Variants in CALN1 observed in about 807,000 individuals in gnomAD.
The protein encoded by CALN1 is calcium-binding protein 8.
Under a neutral mutation model 30.6 loss-of-function variants are expected in CALN1, and 17 were observed. The observed-to-expected ratio is 0.56, with a 90% CI of 0.38 to 0.83. The LOEUF is 0.83. Among genes scored for constraint, CALN1 ranks in the 40% least tolerant of loss-of-function variants. The pLI, the probability that CALN1 is intolerant of heterozygous loss-of-function variation, is 0.00. For synonymous variants in CALN1, 156 were observed against 131.4 expected (o/e 1.19, Z -1.28); for missense variants, 291 against 354.9 (o/e 0.82, Z 1.45).
At chr7:72,368,091 A>G (rs917205876) in intron 2 of CALN1, among the ~76,000 whole-genome samples, 17 of 152,090 alleles carry the variant, frequency 1.1e-4, no homozygotes, top group African/African-American at 4.1e-4. Context: ...ACTGCACTCC[A>G]GCATGGGCGA....
chr7:72,081,826 C>A (rs1465685325), intron 4 of CALN1, among the ~76,000 whole-genome samples: 1 of 152,070 alleles, frequency 6.6e-6, no homozygotes, highest in African/African-American at 2.4e-5. Flanking sequence ...TCTGCTGAGC[C>A]TGATTTATCT....
intron 5 of CALN1, among the ~76,000 whole-genome samples, chr7:71,924,087 C>T (rs148035026): frequency 0.011 from 1,585 of 150,302 alleles, 28 homozygotes; most frequent in African/African-American, 0.037. Context: ...CAGCTACTCG[C>T]GGGGCTGACG....
intron 5 of CALN1, among the ~76,000 whole-genome samples, chr7:71,847,770 AAG>A (rs1562835529): frequency 2.3e-5 from 3 of 129,038 alleles, no homozygotes; most frequent in South Asian, 3.0e-4. Context: ...GAAGAAGAAG[AAG>A]AAAGAAGAAG....
intron 6 of CALN1, among the ~76,000 whole-genome samples, chr7:71,806,178 G>A (rs989320107): frequency 4.0e-5 from 6 of 151,382 alleles, no homozygotes; most frequent in South Asian, 2.1e-4. Flanking sequence ...AAACCTGCAC[G>A]TCCTGCACAT....
intron 5 of CALN1, among the ~76,000 whole-genome samples, chr7:71,986,609 T>A (rs1025063853): frequency 6.6e-6 from 1 of 152,034 alleles, no homozygotes; most frequent in Non-Finnish European, 1.5e-5. Flanking sequence ...AAAAATGTGG[T>A]TAGAAAAGAT....
intron 3 of CALN1, among the ~76,000 whole-genome samples, chr7:72,177,598 C>T (rs2129545828): frequency 6.6e-6 from 1 of 152,012 alleles, no homozygotes; most frequent in Admixed American, 6.6e-5. Context: ...AACCTCATCT[C>T]TACCAAAAAT....
chr7:72,320,093 C>T (rs575160118), intron 2 of CALN1, among the ~76,000 whole-genome samples: 1 of 152,050 alleles, frequency 6.6e-6, no homozygotes, highest in South Asian at 2.1e-4. Flanking sequence ...TACACTCCAG[C>T]CTGGACGACA....
chr7:72,195,923 T>C (rs1044467274), intron 3 of CALN1, among the ~76,000 whole-genome samples: 6 of 152,216 alleles, frequency 3.9e-5, no homozygotes, highest in Non-Finnish European at 8.8e-5. Flanking sequence ...GAGGTACTGA[T>C]ACATGCTACA....
intron 5 of CALN1, among the ~76,000 whole-genome samples, chr7:71,879,991 C>T (rs113605770): frequency 1.6e-4 from 25 of 152,220 alleles, no homozygotes; most frequent in Middle Eastern, 3.4e-3. Context: ...AGAGGTTAGG[C>T]TGGGCATGGT....
chr7:72,037,698 C>G (rs1801885163), intron 4 of CALN1, among the ~76,000 whole-genome samples: 2 of 152,082 alleles, frequency 1.3e-5, no homozygotes, highest in Admixed American at 1.3e-4. Context: ...AATGCATACA[C>G]AGCTTCCTGA....
chr7:71,784,546 CGCA>C lies in CALN1; in HGVS notation c.*3226_*3228del. 3.0e-6 allele frequency: 1 copy of C among 333,312 alleles called. No individual in the cohort carries two copies. Among genetic ancestry groups the C allele is most frequent in the Non-Finnish European group, 5.4e-6 (1 of 185,420 alleles). 20.6% of individuals were successfully genotyped at this position (333,312 alleles called of 1,614,324 possible). On this transcript the variant is annotated 3_prime_UTR_variant, in exon 7 of 7. Transcript: ENST00000395275. ...TTTGTGGGTATCTGGAAAGGTGGGG[CGCA>C]GCTTCTTTGGGGATCAAGGGGGTCA...
At chr7:72,209,737 C>T (rs748948983) in intron 3 of CALN1, among the ~76,000 whole-genome samples, 5 of 152,124 alleles carry the variant, frequency 3.3e-5, no homozygotes, top group African/African-American at 7.2e-5. Context: ...CATTACTCTA[C>T]CAGCTGTCTC....
At chr7:72,406,640 G>A (rs1042860554) in intron 1 of CALN1, among the ~76,000 whole-genome samples, 13 of 52,732 alleles carry the variant, frequency 2.5e-4, no homozygotes, top group African/African-American at 1.7e-3. Flanking sequence ...TTTTTAAGAC[G>A]GAGTCTTGTT....
At chr7:72,121,820 T>C (rs966584256) in intron 3 of CALN1, among the ~76,000 whole-genome samples, 10 of 82,526 alleles carry the variant, frequency 1.2e-4, no homozygotes, top group Non-Finnish European at 1.8e-4. Flanking sequence ...GTAAACATGG[T>C]TGGTTATTAT....
At chr7:72,449,265 C>T (rs370344108), upstream of CALN1, among the ~76,000 whole-genome samples, 6 of 152,180 alleles carry the variant, frequency 3.9e-5, no homozygotes, top group Admixed American at 2.0e-4. Context: ...TTGGCAGATG[C>T]GGACGGCGCA....
intron 2 of CALN1, among the ~76,000 whole-genome samples, chr7:72,299,047 T>C (rs6973317): frequency 0.016 from 2,452 of 152,230 alleles, 34 homozygotes; most frequent in African/African-American, 0.032. Flanking sequence ...AACCAGGCAC[T>C]TGTGTCACAA....
intron 5 of CALN1, among the ~76,000 whole-genome samples, chr7:71,963,473 G>A (rs1004920096): frequency 6.6e-6 from 1 of 151,270 alleles, no homozygotes; most frequent in African/African-American, 2.4e-5. Flanking sequence ...CACAGCTCAT[G>A]TTTGTATTTT....
At chr7:72,466,636 G>A in the CALN1 span, among the ~76,000 whole-genome samples, 6 of 151,908 alleles carry the variant, frequency 3.9e-5, no homozygotes, top group African/African-American at 1.5e-4. Context: ...CCAGCTACTC[G>A]GGAGGCTGAG....
At chr7:72,316,948 AG>A (rs1800497981) in intron 2 of CALN1, among the ~76,000 whole-genome samples, 1 of 151,302 alleles carries the variant, frequency 6.6e-6, no homozygotes. Context: ...GCCTCTCAAA[AG>A]AAAAATAAAC....
Sources: allele counts gnomAD v4.1 joint callset (sites outside exome capture counted in the v4.1 genomes callset), GRCh38; gene constraint gnomAD v4.1.1; transcripts MANE v1.5; gene names NCBI Gene and HGNC (gene_info 2026-07-23, HGNC 2026-07-21).